TEX11: variants seen among roughly 807,000 people sequenced by gnomAD.
TEX11 encodes testis expressed 11.
Under a neutral mutation model 84.4 loss-of-function variants are expected in TEX11, and 7 were observed. That is an observed-to-expected ratio of 0.08 (90% confidence interval 0.05 to 0.16). The LOEUF (loss-of-function observed/expected upper bound fraction) is 0.16. Ranked by LOEUF, TEX11 falls within the 10% of genes least tolerant of loss-of-function variation. The probability of loss-of-function intolerance (pLI) is 1.00; values close to 1 mark genes in which losing one functional copy is unlikely to be tolerated. For missense variants in TEX11, 551 were observed against 660.5 expected (o/e 0.83, Z 1.82); for synonymous variants, 264 against 222.8 (o/e 1.18, Z -1.64).
intron 25 of TEX11, among the ~76,000 whole-genome samples, chrX:70,567,369 GA>G (rs1274648033): frequency 9.0e-6 from 1 of 111,199 alleles, no homozygotes; most frequent in Non-Finnish European, 1.9e-5. Flanking sequence ...CTGGATTCAT[GA>G]ATTTTTTGAA....
intron 8 of TEX11, among the ~76,000 whole-genome samples, chrX:70,808,696 A>AG (rs2091235325): frequency 1.8e-5 from 2 of 109,485 alleles, no homozygotes; most frequent in Admixed American, 9.9e-5. Context: ...TACATCTATC[A>AG]TATACCCACA....
intron 17 of TEX11, 103 bp from the exon 18 acceptor site, chrX:70,629,838 C>T: frequency 3.0e-6 from 2 of 658,460 alleles, no homozygotes; most frequent in Non-Finnish European, 2.2e-6. Context: ...ATTTTAAGAA[C>T]ATTTTTAAAA....
At chrX:70,612,048 T>A (rs1469590716) in intron 20 of TEX11, among the ~76,000 whole-genome samples, 1 of 109,943 alleles carries the variant, frequency 9.1e-6, no homozygotes, top group Non-Finnish European at 1.9e-5. Context: ...GGTGTGAGGA[T>A]CACTTGGGCC....
At chrX:70,852,251 G>A (rs1350002009) in intron 7 of TEX11, among the ~76,000 whole-genome samples, 2 of 112,028 alleles carry the variant, frequency 1.8e-5, no homozygotes. Context: ...GAGTGCAGTG[G>A]CACAATCATA....
At chrX:70,771,460 C>A (rs1255977612) in intron 9 of TEX11, among the ~76,000 whole-genome samples, 1 of 111,645 alleles carries the variant, frequency 9.0e-6, no homozygotes, top group Non-Finnish European at 1.9e-5. Flanking sequence ...CAGGAGATCA[C>A]CAATTACAAA....
chrX:70,901,930 C>T (rs957253514), intron 2 of TEX11, among the ~76,000 whole-genome samples: 3 of 112,389 alleles, frequency 2.7e-5, no homozygotes, highest in Non-Finnish European at 5.6e-5. Flanking sequence ...CATATCTAAA[C>T]CTAGAAAAGG....
chrX:70,631,646 G>A (rs1244204908), intron 17 of TEX11, among the ~76,000 whole-genome samples: 4 of 88,394 alleles, frequency 4.5e-5, no homozygotes, highest in Non-Finnish European at 8.9e-5. Context: ...CCTCCTTTGA[G>A]AGTATTATAA....
intron 16 of TEX11, among the ~76,000 whole-genome samples, chrX:70,655,147 G>C (rs2089851559): frequency 9.0e-6 from 1 of 111,205 alleles, no homozygotes. Flanking sequence ...TGAAGAAATA[G>C]ATCAATTCAA....
chrX:70,781,707 G>A (rs1246907608), intron 9 of TEX11, among the ~76,000 whole-genome samples: 1 of 111,753 alleles, frequency 8.9e-6, no homozygotes, highest in Admixed American at 9.6e-5. Flanking sequence ...AAGTGGAAGA[G>A]AGGGTACCAC....
chrX:70,569,887 G>C (rs1179301809), intron 25 of TEX11, among the ~76,000 whole-genome samples: 1 of 111,807 alleles, frequency 8.9e-6, no homozygotes, highest in Non-Finnish European at 1.9e-5. Flanking sequence ...GCAGTCTGCT[G>C]ATTCTCAGAT....
At chrX:70,806,811 A>G (rs1415476357) in intron 8 of TEX11, 21 bp from the exon 9 acceptor site, 2 of 1,081,134 alleles carry the variant, frequency 1.8e-6, no homozygotes, top group Non-Finnish European at 2.5e-6. Flanking sequence ...AAAAAAATGC[A>G]TTAGATTCAT....
At chrX:70,729,963 G>A (rs751000275) in intron 11 of TEX11, among the ~76,000 whole-genome samples, 3,126 of 105,946 alleles carry the variant, frequency 0.03, no homozygotes, top group African/African-American at 0.1. Context: ...CTGATCTCTC[G>A]GCAGAAACTC....
chrX:70,690,066 T>C (rs1388049293), intron 13 of TEX11, among the ~76,000 whole-genome samples: 3 of 111,584 alleles, frequency 2.7e-5, no homozygotes, highest in Non-Finnish European at 5.7e-5. Flanking sequence ...AAATACTTGA[T>C]GGGTAGTCTC....
intron 11 of TEX11, among the ~76,000 whole-genome samples, chrX:70,733,005 A>G (rs1271736409): frequency 1.8e-5 from 2 of 112,090 alleles, no homozygotes; most frequent in Non-Finnish European, 3.8e-5. Context: ...CCACACATCT[A>G]CAACTATCTG....
chrX:70,691,875 C>G (rs2090237937), intron 13 of TEX11, among the ~76,000 whole-genome samples: 1 of 111,144 alleles, frequency 9.0e-6, no homozygotes, highest in Non-Finnish European at 1.9e-5. Flanking sequence ...TTGTGGTAAT[C>G]ATTTCACAAT....
At chrX:70,750,081 A>G (rs1238873111) in intron 9 of TEX11, among the ~76,000 whole-genome samples, 4 of 111,592 alleles carry the variant, frequency 3.6e-5, no homozygotes, top group Non-Finnish European at 1.9e-5. Flanking sequence ...TACAAGAAAA[A>G]AACAAACAAC....
intron 17 of TEX11, among the ~76,000 whole-genome samples, chrX:70,648,327 G>T (rs1217511129): frequency 1.8e-5 from 2 of 109,067 alleles, no homozygotes; most frequent in East Asian, 2.9e-4. Flanking sequence ...CGAGTTAATG[G>T]GTGCAGCACA....
chrX:70,762,330 A>C (rs2090913845), intron 9 of TEX11, among the ~76,000 whole-genome samples: 1 of 112,195 alleles, frequency 8.9e-6, no homozygotes, highest in Non-Finnish European at 1.9e-5. Context: ...TAACGAACCA[A>C]TCAAAAATAA....
intron 25 of TEX11, among the ~76,000 whole-genome samples, chrX:70,589,021 G>T (rs1300241709): frequency 9.1e-6 from 1 of 110,434 alleles, no homozygotes; most frequent in African/African-American, 3.3e-5. Flanking sequence ...CTGGAGAAAG[G>T]GGGAATGGGG....
Sources: gnomAD v4.1 joint callset for allele counts (sites outside exome capture counted in the v4.1 genomes callset) on GRCh38, gnomAD v4.1.1 for gene constraint, MANE v1.5 for transcripts, NCBI Gene and HGNC (gene_info 2026-07-23, HGNC 2026-07-21) for gene names.